Variants in CHRNA5 observed in about 807,000 individuals in gnomAD.
CHRNA5 encodes the protein neuronal acetylcholine receptor subunit alpha-5.
In CHRNA5, 28 loss-of-function variants were observed where a neutral mutation model predicts 41.2. The observed-to-expected ratio is 0.68, with a 90% CI of 0.50 to 0.93. The LOEUF is 0.93. CHRNA5 is among the 40% of genes least tolerant of loss of function. The pLI, the probability that CHRNA5 is intolerant of heterozygous loss-of-function variation, is 0.00. For synonymous variants in CHRNA5, 188 were observed against 205.8 expected, an observed-to-expected ratio of 0.91 and a Z score of 0.74; for missense variants, 481 against 581.9, an observed-to-expected ratio of 0.83 and a Z score of 1.78.
At chr15:78,592,491 T>C (rs1221324825) in intron 5 of CHRNA5, among the ~76,000 whole-genome samples, 1 of 152,272 alleles carries the variant, frequency 6.6e-6, no homozygotes, top group East Asian at 1.9e-4. Context: ...CCCCTGCTGC[T>C]TAGTGGCTGG....
chr15:78,576,205 G>A (rs2052854955), intron 1 of CHRNA5, among the ~76,000 whole-genome samples: 1 of 152,238 alleles, frequency 6.6e-6, no homozygotes, highest in South Asian at 2.1e-4. Flanking sequence ...GGAGTGCAGT[G>A]GCACAGTCTT....
In CHRNA5 at chr15:78,588,224, TA is replaced by T; in HGVS notation, c.304-86del. On this transcript the variant is annotated intron_variant, in intron 3 of 5. Transcript: ENST00000299565. The surrounding 1 kb of genome is among the most constrained non-coding windows in gnomAD (Gnocchi z 4.1). ...TTGGGGGTAGAGATGATCTCATGTCTAAAATTTCTGGTGTGACAAAAAAGTA... is the reference window on the plus strand; with the variant it reads ...TTGGGGGTAGAGATGATCTCATGTCTAAATTTCTGGTGTGACAAAAAAGTA... 1.6e-6 allele frequency: 1 copy of T among 640,630 alleles called. No homozygotes were observed. Among genetic ancestry groups the T allele is most frequent in the Non-Finnish European group, 2.7e-6 (1 of 370,674 alleles). 39.7% of individuals were successfully genotyped at this position (640,630 alleles called of 1,614,324 possible).
At chr15:78,577,707 C>T (rs1338755547) in intron 1 of CHRNA5, among the ~76,000 whole-genome samples, 1 of 151,950 alleles carries the variant, frequency 6.6e-6, no homozygotes, top group Admixed American at 6.6e-5. Context: ...CAGAGGCTAG[C>T]AGATCGCTTG....
Position 78,593,570 on chromosome 15 carries a change from C to T in CHRNA5, c.*317C>T, listed in dbSNP as rs73463098. The T allele has an allele frequency of 5.6e-3, 993 of 178,646 alleles. 13 individuals carry two copies. Among genetic ancestry groups the T allele is most frequent in the African/African-American group, 0.022 (945 of 42,410 alleles). The allele number at this position is 178,646 out of a possible 1,614,324, so 11.1% of individuals were successfully genotyped here. On this transcript the variant is annotated 3_prime_UTR_variant, in exon 6 of 6. Coordinates refer to ENST00000299565, the Ensembl canonical transcript of CHRNA5. ...CAGTAAAGTTCATCCTTTGACTGTG[C>T]TGGAGAATTCCAGTTGTATTTGAAG...
intron 1 of CHRNA5, among the ~76,000 whole-genome samples, chr15:78,572,134 A>G (rs1441962051): frequency 1.3e-5 from 2 of 152,156 alleles, no homozygotes; most frequent in African/African-American, 2.4e-5. Flanking sequence ...TAGATATATT[A>G]TCTTATTTCC....
chr15:78,588,196 C>T lies in CHRNA5; in HGVS notation c.304-118C>T, dbSNP rs1282739317. On this transcript the variant is annotated intron_variant, in intron 3 of 5. Transcript: ENST00000299565. This position sits in a 1 kb window ranked among gnomAD's most constrained non-coding sequence, Gnocchi z 4.1. ...AATAAGAAAGACAGGGAGGTGTTCTCTATTGGGGGTAGAGATGATCTCATG... is the reference window on the plus strand; with the variant it reads ...AATAAGAAAGACAGGGAGGTGTTCTTTATTGGGGGTAGAGATGATCTCATG... 5.7e-6 allele frequency: 3 copies of T among 525,458 alleles called. No individual in the cohort carries two copies. Among genetic ancestry groups the T allele is most frequent in the Non-Finnish European group, 1.0e-5 (3 of 293,866 alleles). The allele number at this position is 525,458 out of a possible 1,614,324, so 32.5% of individuals were successfully genotyped here. A position where few individuals can be genotyped will look rare whatever the true frequency, so the allele number is the denominator to read the frequency against.
At position 78,576,182 on chromosome 15, in the gene CHRNA5, T is replaced by C. The variant is rs186338506; in HGVS notation, c.107-4629T>C. On this transcript the variant is annotated intron_variant, in intron 1 of 5. Coordinates refer to ENST00000299565, the Ensembl canonical transcript of CHRNA5. ...TTGTTTTTGAGTTAGAGTCTCTCTC[T>C]GTCTCCCTGACTGGAGTGCAGTGGC... 4.0e-3 allele frequency among the ~76,000 whole-genome samples: 607 copies of C among 152,350 alleles called. 3 individuals are homozygous for C. Among genetic ancestry groups the C allele is most frequent in the Non-Finnish European group, 6.1e-3 (415 of 68,030 alleles).
intron 1 of CHRNA5, among the ~76,000 whole-genome samples, chr15:78,578,098 G>T (rs2141407407): frequency 6.6e-6 from 1 of 152,306 alleles, no homozygotes; most frequent in South Asian, 2.1e-4. Flanking sequence ...TGACTCTAGT[G>T]TATAATTTTC....
rs138616126 is a variant in CHRNA5 at position 78,590,977 on chromosome 15, C to A, written c.1245+341C>A. The A allele has an allele frequency of 2.3e-3, 515 of 228,484 alleles. 1 individual carries two copies. The highest frequency in any genetic ancestry group is 0.011 in the African/African-American group (495 of 43,160). 14.2% of individuals were successfully genotyped at this position (228,484 alleles called of 1,614,324 possible). A position where few individuals can be genotyped will look rare whatever the true frequency, so the allele number is the denominator to read the frequency against. ...TTGTTTTAATTTCTTGGGGTGAGGG[C>A]AGTGGGTGAACTGTTTTAATTTTGT... On this transcript the variant is annotated intron_variant, in intron 5 of 5. Transcript: ENST00000299565.
At chr15:78,582,060 T>C (rs958270098) in intron 2 of CHRNA5, among the ~76,000 whole-genome samples, 3 of 152,232 alleles carry the variant, frequency 2.0e-5, no homozygotes, top group African/African-American at 7.2e-5. Flanking sequence ...CCAAAGGATA[T>C]ACCTTTTTCA....
chr15:78,583,826 T>C (rs2052934931), intron 2 of CHRNA5, among the ~76,000 whole-genome samples: 1 of 152,174 alleles, frequency 6.6e-6, no homozygotes, highest in African/African-American at 2.4e-5. Context: ...CAAGACTGGC[T>C]CTGAGATGAC....
intron 1 of CHRNA5, among the ~76,000 whole-genome samples, chr15:78,571,325 C>G (rs1187963892): frequency 6.6e-6 from 1 of 152,204 alleles, no homozygotes; most frequent in Non-Finnish European, 1.5e-5. Context: ...GCTGTCCTAA[C>G]AAAGCAGCTG....
chr15:78,590,769 A>T (rs1481724503), intron 5 of CHRNA5, 133 bp downstream of exon 5: 1 of 718,402 alleles, frequency 1.4e-6, no homozygotes, highest in Non-Finnish European at 2.2e-6. Context: ...AGAATTGTTG[A>T]CATATTTTCT....
intron 1 of CHRNA5, among the ~76,000 whole-genome samples, chr15:78,575,533 C>A (rs2052848861): frequency 6.6e-6 from 1 of 152,056 alleles, no homozygotes; most frequent in East Asian, 1.9e-4. Flanking sequence ...TTATAGTGAC[C>A]CATTATTGCA....
exon 5 of CHRNA5, chr15:78,590,456 A>G (rs1400701147): frequency 6.2e-7 from 1 of 1,614,068 alleles, no homozygotes; most frequent in Non-Finnish European, 8.5e-7. Context: ...TCCGCAAGAT[A>G]TTTCTTCACA....
At chr15:78,594,834 A>T (rs1294442359) in exon 6 of CHRNA5, 1 of 152,228 alleles carries the variant, frequency 6.6e-6, no homozygotes, top group Admixed American at 6.5e-5. Flanking sequence ...TAGAGTTGCA[A>T]GGGCCTTTAG....
intron 1 of CHRNA5, among the ~76,000 whole-genome samples, chr15:78,572,399 A>G (rs2052814028): frequency 6.6e-6 from 1 of 152,236 alleles, no homozygotes; most frequent in South Asian, 2.1e-4. Context: ...TGCACTCATA[A>G]TGATCACTTT....
At chr15:78,590,872 T>C (rs1783799953) in intron 5 of CHRNA5, 2 of 503,768 alleles carry the variant, frequency 4.0e-6, no homozygotes, top group Admixed American at 7.5e-5. Context: ...CCCATCAGCA[T>C]CTTGGATAAC....
At chr15:78,594,293 G>C (rs1270505091) in exon 6 of CHRNA5, 1 of 152,100 alleles carries the variant, frequency 6.6e-6, no homozygotes, top group Non-Finnish European at 1.5e-5. Context: ...ACAATTAATA[G>C]AACCATCTTC....
Sources: gnomAD v4.1 joint callset for allele counts (sites outside exome capture counted in the v4.1 genomes callset) on GRCh38, gnomAD v4.1.1 for gene constraint, Gnocchi (gnomAD v3.1) non-coding constraint, MANE v1.5 for transcripts, NCBI Gene and HGNC (gene_info 2026-07-23, HGNC 2026-07-21) for gene names.